Variants in RAB11FIP4 observed in about 807,000 individuals in gnomAD.
The protein encoded by RAB11FIP4 is RAB11 family interacting protein 4, also known as rab11 family-interacting protein 4.
Under a neutral mutation model 74.3 loss-of-function variants are expected in RAB11FIP4, and 23 were observed. The observed-to-expected ratio is 0.31, with a 90% confidence interval of 0.22 to 0.44. The LOEUF (loss-of-function observed/expected upper bound fraction) is 0.44. Among genes scored for constraint, RAB11FIP4 ranks in the 20% least tolerant of loss-of-function variants. The pLI, the probability that RAB11FIP4 is intolerant of heterozygous loss-of-function variation, is 1.00. For synonymous variants in RAB11FIP4, 360 were observed against 359.9 expected, an observed-to-expected ratio of 1.00 and a Z score of 0.00; for missense variants, 630 against 863.9, an observed-to-expected ratio of 0.73 and a Z score of 3.39.
chr17:31,491,492 C>T (rs1487916815), intron 3 of RAB11FIP4, among the ~76,000 whole-genome samples: 1 of 152,100 alleles, frequency 6.6e-6, no homozygotes, highest in Non-Finnish European at 1.5e-5. Context: ...GTTTCAGAGT[C>T]AGACAGGGAA....
Position 31,391,749 on chromosome 17 carries a change from C to T in RAB11FIP4, c.-104C>T. On this transcript the variant is annotated 5_prime_UTR_variant, in exon 1 of 15. Transcript: ENST00000621161. ...GCCACCGGGCGGAGGCTGCGCGGCGCAGACCCAGACGGGCGGCCCCGGAGG... is the reference window on the plus strand; with the variant it reads ...GCCACCGGGCGGAGGCTGCGCGGCGTAGACCCAGACGGGCGGCCCCGGAGG... The T allele has an allele frequency of 1.1e-6, 1 of 869,744 alleles. No homozygotes were observed. Among genetic ancestry groups the T allele is most frequent in the Non-Finnish European group, 1.4e-6 (1 of 726,258 alleles). 53.9% of individuals were successfully genotyped at this position (869,744 alleles called of 1,614,324 possible). A position where few individuals can be genotyped will look rare whatever the true frequency, so the allele number is the denominator to read the frequency against.
chr17:31,477,737 C>T (rs996467312), intron 3 of RAB11FIP4, among the ~76,000 whole-genome samples: 4 of 152,126 alleles, frequency 2.6e-5, no homozygotes, highest in Non-Finnish European at 4.4e-5. Flanking sequence ...TATACAAAAC[C>T]GAGCCTCTCT....
intron 1 of RAB11FIP4, among the ~76,000 whole-genome samples, chr17:31,409,564 A>G (rs2071074386): frequency 2.6e-5 from 4 of 152,178 alleles, no homozygotes. Context: ...AACGTTGGGT[A>G]GAAAGAAACT....
intron 10 of RAB11FIP4, 83 bp from the exon 11 acceptor site, chr17:31,527,759 C>A: frequency 1.1e-6 from 1 of 952,138 alleles, no homozygotes; most frequent in Non-Finnish European, 1.6e-6. Flanking sequence ...TGGGAGGAAG[C>A]AGAGAATCAC....
chr17:31,391,928 G>A lies in RAB11FIP4; in HGVS notation c.76G>A (p.Glu26Lys). 2 of 1,378,268 alleles carry A rather than the reference G, an allele frequency of 1.5e-6. No homozygotes were observed. The highest frequency in any genetic ancestry group is 1.9e-6 in the Non-Finnish European group (2 of 1,061,942). 85.4% of individuals were successfully genotyped at this position (1,378,268 alleles called of 1,614,324 possible). A position where few individuals can be genotyped will look rare whatever the true frequency, so the allele number is the denominator to read the frequency against. Residue 26 changes from glutamate to lysine, a missense_variant, in exon 1 of 15, where the codon GAG becomes AAG. By Grantham distance (56) the Glu-to-Lys change is moderately conservative. Coordinates refer to ENST00000621161, the MANE Select transcript of RAB11FIP4 (RefSeq NM_032932.6). ...RSVRRLREVF[E>K]VCGRDPDGFL... ...CGTGCGCCGCCTGCGCGAGGTGTTC[G>A]AGGTGTGCGGCCGCGACCCCGACGG...
intron 1 of RAB11FIP4, among the ~76,000 whole-genome samples, chr17:31,413,711 C>A (rs1185327112): frequency 6.6e-6 from 1 of 152,166 alleles, no homozygotes; most frequent in Non-Finnish European, 1.5e-5. Flanking sequence ...GCCCTCTGGG[C>A]TGTCTGTCTC....
chr17:31,428,960 T>G (rs1597911644), intron 1 of RAB11FIP4, among the ~76,000 whole-genome samples: 2 of 151,970 alleles, frequency 1.3e-5, no homozygotes, highest in African/African-American at 4.8e-5. Flanking sequence ...AAGTTGTTAT[T>G]ATTATGATGA....
intron 3 of RAB11FIP4, among the ~76,000 whole-genome samples, chr17:31,486,515 A>T (rs2071903478): frequency 6.6e-6 from 1 of 152,184 alleles, no homozygotes; most frequent in Admixed American, 6.5e-5. Context: ...AGCCACAAGT[A>T]ACCCTCCTGC....
At chr17:31,454,122 A>T (rs1349641468) in intron 3 of RAB11FIP4, among the ~76,000 whole-genome samples, 2 of 152,182 alleles carry the variant, frequency 1.3e-5, no homozygotes, top group Non-Finnish European at 2.9e-5. Context: ...GACTGGCCTG[A>T]TCACATGAAA....
intron 3 of RAB11FIP4, among the ~76,000 whole-genome samples, chr17:31,486,519 C>G (rs1322196948): frequency 6.6e-6 from 1 of 152,226 alleles, no homozygotes; most frequent in African/African-American, 2.4e-5. Context: ...ACAAGTAACC[C>G]TCCTGCTTTG....
At chr17:31,439,145 T>C (rs2071386619) in intron 3 of RAB11FIP4, among the ~76,000 whole-genome samples, 1 of 152,244 alleles carries the variant, frequency 6.6e-6, no homozygotes, top group African/African-American at 2.4e-5. Flanking sequence ...GCTCCTCCTT[T>C]TCACCCCCAG....
intron 3 of RAB11FIP4, among the ~76,000 whole-genome samples, chr17:31,495,350 A>C (rs1267835375): frequency 6.8e-6 from 1 of 147,380 alleles, no homozygotes; most frequent in African/African-American, 2.5e-5. Context: ...TGGGCAGGAC[A>C]GCCTCCACTT....
intron 6 of RAB11FIP4, 105 bp downstream of exon 6, chr17:31,522,154 T>G (rs1597980486): frequency 6.8e-7 from 1 of 1,476,520 alleles, no homozygotes; most frequent in Non-Finnish European, 9.4e-7. Flanking sequence ...TCTGGGCAGG[T>G]GAGAGCTCTC....
chr17:31,392,046 C>CCCCAG, intron 1 of RAB11FIP4, 35 bp downstream of exon 1: 1 of 1,233,298 alleles, frequency 8.1e-7, no homozygotes, highest in East Asian at 3.3e-5. Flanking sequence ...GGCCCGGGGA[C>CCCCAG]CCCAGCCCAG....
At chr17:31,473,497 C>T (rs1004386619) in intron 3 of RAB11FIP4, among the ~76,000 whole-genome samples, 4 of 152,156 alleles carry the variant, frequency 2.6e-5, no homozygotes, top group Admixed American at 2.0e-4. Context: ...GCTGAGATCA[C>T]GCCACTGCGC....
chr17:31,434,023 T>C lies in RAB11FIP4; in HGVS notation c.248-11T>C. On this transcript the variant is annotated splice_polypyrimidine_tract_variant and intron_variant, in intron 2 of 14. Transcript: ENST00000621161. ...CCCCTCACTGTCCCGTGTGTCTGCC[T>C]GTCTGCGCAGGGTGCGAGGAGCTGC... is the stretch of plus-strand genomic sequence containing the variant. 1 of 1,575,588 alleles carries C rather than the reference T, an allele frequency of 6.3e-7. No homozygotes were observed.
chr17:31,502,368 C>T (rs142982246), intron 3 of RAB11FIP4, among the ~76,000 whole-genome samples: 170 of 151,976 alleles, frequency 1.1e-3, no homozygotes, highest in African/African-American at 3.9e-3. Context: ...CACTTGAGGT[C>T]AGGAGTTCAA....
intron 3 of RAB11FIP4, among the ~76,000 whole-genome samples, chr17:31,454,980 G>GGACTGGTCTCCAGT (rs1342906749): frequency 1.3e-5 from 2 of 152,164 alleles, no homozygotes; most frequent in African/African-American, 4.8e-5. Context: ...GGCAGGAAGA[G>GGACTGGTCTCCAGT]GACTGGTCTC....
intron 3 of RAB11FIP4, among the ~76,000 whole-genome samples, chr17:31,501,161 C>G (rs1314997001): frequency 6.6e-6 from 1 of 151,210 alleles, no homozygotes; most frequent in Non-Finnish European, 1.5e-5. Flanking sequence ...GTATTTCAAA[C>G]TAATCGTGAA....
Sources: gnomAD v4.1 joint callset for allele counts (sites outside exome capture counted in the v4.1 genomes callset) on GRCh38, gnomAD v4.1.1 for gene constraint, MANE v1.5 for transcripts, NCBI Gene and HGNC (gene_info 2026-07-23, HGNC 2026-07-21) for gene names.